NPAP1: variants seen among roughly 807,000 people sequenced by gnomAD.
NPAP1 encodes the protein nuclear pore associated protein 1.
For synonymous variants in NPAP1, 616 were observed against 581.4 expected (o/e 1.06, Z -0.86); for missense variants, 1,483 against 1,454.5 (o/e 1.02, Z -0.32).
rs1257357231 is a variant in NPAP1, at chr15:24,678,935, G to A, written c.3068G>A (p.Ser1023Asn). 1.7e-5 allele frequency: 28 copies of A among 1,614,008 alleles called. No individual in the cohort carries two copies. In the East Asian group the frequency reaches 6.0e-4, roughly 35 times the overall value. The change falls in exon 1 of 1, where the codon AGC (serine) becomes AAC (asparagine). Residue 1023 changes from serine to asparagine, a missense_variant. Ser to Asn is a conservative substitution (Grantham distance 46). Coordinates refer to ENST00000329468, the MANE Select transcript of NPAP1 (RefSeq NM_018958.3). The stretch of plus-strand genomic sequence containing the variant: ...ATGGATGGTGGGAGCATTGGGTTCA[G>A]CATGTCTGCCCCAGGCCCCAGTTCC... ...TPMDGGSIGF[S>N]MSAPGPSSTS... is the part of the protein sequence containing the mutation.
rs142882557 is a variant in NPAP1, at chr15:24,680,840, A to T, written c.*1502A>T. Reference sequence around the variant, plus strand: ...TGAAGGGGAGAAAAGAAGCAAAAACATGGAAATTATCTGGTAAATTAGCCA... The same window carrying T: ...TGAAGGGGAGAAAAGAAGCAAAAACTTGGAAATTATCTGGTAAATTAGCCA... On this transcript the variant is annotated 3_prime_UTR_variant, in exon 1 of 1. Coordinates refer to ENST00000329468, the MANE Select transcript of NPAP1 (RefSeq NM_018958.3). 6.0e-6 allele frequency: 1 copy of T among 167,024 alleles called. No homozygotes were observed. Among genetic ancestry groups the T allele is most frequent in the African/African-American group, 2.4e-5 (1 of 41,440 alleles). The allele number at this position is 167,024 out of a possible 1,614,324, so 10.3% of individuals were successfully genotyped here.
Position 24,678,925 on chromosome 15 carries a change from A to G in NPAP1, c.3058A>G (p.Ile1020Val), listed in dbSNP as rs1000729261. 6 of 1,614,130 alleles carry G rather than the reference A, an allele frequency of 3.7e-6. No homozygotes were observed. Among genetic ancestry groups the G allele is most frequent in the Non-Finnish European group, 5.1e-6 (6 of 1,180,024 alleles). ...GPGTPMDGGS[I>V]GFSMSAPGPS... ...TGGAACCCCTATGGATGGTGGGAGCATTGGGTTCAGCATGTCTGCCCCAGG... is the reference window on the plus strand; with the variant it reads ...TGGAACCCCTATGGATGGTGGGAGCGTTGGGTTCAGCATGTCTGCCCCAGG... The change falls in exon 1 of 1, where the codon ATT (isoleucine) becomes GTT (valine). Residue 1020 changes from isoleucine (I) to valine (V), a missense_variant. Physicochemically the swap from Ile to Val is conservative, Grantham distance 29. Transcript: ENST00000329468.
rs565004657 is a variant in NPAP1, at chr15:24,675,972, C to G, written c.105C>G (p.Pro35=). 3 of 1,594,082 alleles carry G rather than the reference C, an allele frequency of 1.9e-6. No homozygotes were observed. Among genetic ancestry groups the G allele is most frequent in the South Asian group, 1.1e-5 (1 of 89,334 alleles). Residue 35 remains proline, a synonymous_variant, in exon 1 of 1, where the codon CCC becomes CCG. Transcript: ENST00000329468. ...CCCTGTCCCGGGACGCCTCCCCGCC[C>G]GGTCGGGCTCACTCTGTACCCACCC... ...PAPLSRDASP[P]GRAHSVPTPR...
chr15:24,678,954 C>T lies in NPAP1; in HGVS notation c.3087C>T (p.Pro1029=), dbSNP rs2141313784. The change falls in exon 1 of 1, where the codon CCC becomes CCT. Residue 1029 remains proline (P), a synonymous_variant. Transcript: ENST00000329468. ...SIGFSMSAPG[P]SSTSGELNIG... is the part of the protein sequence containing the mutation. ...GGTTCAGCATGTCTGCCCCAGGCCCCAGTTCCACATCAGGAGAACTCAACA... is the reference window on the plus strand; with the variant it reads ...GGTTCAGCATGTCTGCCCCAGGCCCTAGTTCCACATCAGGAGAACTCAACA... The T allele has an allele frequency of 1.2e-6, 2 of 1,614,164 alleles. No homozygotes were observed. Among genetic ancestry groups the T allele is most frequent in the East Asian group, 2.2e-5 (1 of 44,874 alleles).
In NPAP1 at chr15:24,678,006, T is replaced by G. The variant is rs780676441; in HGVS notation, c.2139T>G (p.Ser713=). Residue 713 remains serine (S), a synonymous_variant, in exon 1 of 1, where the codon TCT becomes TCG. Coordinates refer to ENST00000329468, the MANE Select transcript of NPAP1 (RefSeq NM_018958.3). ...TPPSKAVILQ[S]ASVSKKYLPF... The stretch of plus-strand genomic sequence containing the variant: ...CTTCCAAGGCTGTCATCTTGCAGTC[T>G]GCCTCTGTCTCCAAGAAGTACCTCC... The G allele has an allele frequency of 2.5e-6, 4 of 1,614,152 alleles. No individual in the cohort carries two copies. Among genetic ancestry groups the G allele is most frequent in the Admixed American group, 3.3e-5 (2 of 60,034 alleles).
At position 24,675,841 on chromosome 15, in the gene NPAP1, T is replaced by A; in HGVS notation, c.-27T>A. ...GTTGAGTCCACTGCTGACCCTGTTTTACGGTAGGAGGCACGGCTAGCTCTA... is the reference window on the plus strand; with the variant it reads ...GTTGAGTCCACTGCTGACCCTGTTTAACGGTAGGAGGCACGGCTAGCTCTA... On this transcript the variant is annotated 5_prime_UTR_variant, in exon 1 of 1. Transcript: ENST00000329468. 6.9e-7 allele frequency: 1 copy of A among 1,457,630 alleles called. No homozygotes were observed. The highest frequency in any genetic ancestry group is 9.1e-7 in the Non-Finnish European group (1 of 1,096,546). 90.3% of individuals were successfully genotyped at this position (1,457,630 alleles called of 1,614,324 possible).
rs1313526649 is a variant in NPAP1 at position 24,678,850 on chromosome 15, A to T, written c.2983A>T (p.Thr995Ser). ...TGGGATGCCTGGCACTGGAGACAGTACCTTACTGGTTGGAAATACTATTCC... is the reference window on the plus strand; with the variant it reads ...TGGGATGCCTGGCACTGGAGACAGTTCCTTACTGGTTGGAAATACTATTCC... ...ATGMPGTGDSTLLVGNTIPGP... is the reference protein window; with the variant it reads ...ATGMPGTGDSSLLVGNTIPGP... The change falls in exon 1 of 1, where the codon ACC becomes TCC. Residue 995 changes from threonine to serine, a missense_variant. By Grantham distance (58) the Thr-to-Ser change is moderately conservative. Coordinates refer to ENST00000329468, the MANE Select transcript of NPAP1 (RefSeq NM_018958.3). 2 of 1,614,188 alleles carry T rather than the reference A, an allele frequency of 1.2e-6. No homozygotes were observed. The highest frequency in any genetic ancestry group is 4.5e-5 in the East Asian group (2 of 44,884).
rs1310267820 is a variant in NPAP1 at position 24,682,292 on chromosome 15, A to G, written c.*2954A>G. Reference sequence around the variant, plus strand: ...AATCAGAACTGCCTTTCAGAAGTAGAGTGGAAATCCAGTTTTCTTCTAATA... The same window carrying G: ...AATCAGAACTGCCTTTCAGAAGTAGGGTGGAAATCCAGTTTTCTTCTAATA... On this transcript the variant is annotated 3_prime_UTR_variant, in exon 1 of 1. Coordinates refer to ENST00000329468, the MANE Select transcript of NPAP1 (RefSeq NM_018958.3). 6.0e-6 allele frequency: 1 copy of G among 167,036 alleles called. No individual in the cohort carries two copies. Among genetic ancestry groups the G allele is most frequent in the Non-Finnish European group, 1.5e-5 (1 of 68,110 alleles). 10.3% of individuals were successfully genotyped at this position (167,036 alleles called of 1,614,324 possible).
Position 24,677,663 on chromosome 15 carries a change from C to T in NPAP1, c.1796C>T (p.Ser599Phe), listed in dbSNP as rs368007060. 2 of 1,614,084 alleles carry T rather than the reference C, an allele frequency of 1.2e-6. No individual in the cohort carries two copies. Among genetic ancestry groups the T allele is most frequent in the African/African-American group, 2.7e-5 (2 of 74,938 alleles). Residue 599 changes from serine to phenylalanine, a missense_variant, in exon 1 of 1, where the codon TCT (serine) becomes TTT (phenylalanine). By Grantham distance (155) the Ser-to-Phe change is radical. Coordinates refer to ENST00000329468, the MANE Select transcript of NPAP1 (RefSeq NM_018958.3). ...FTSSLSSRVS[S>F]LPNSQIHCSA... ...TCTTCCCTAAGCTCCAGAGTGAGCT[C>T]TCTCCCAAATTCCCAAATACATTGC...
At position 24,676,111 on chromosome 15, in the gene NPAP1, C is replaced by T. The variant is rs199643130; in HGVS notation, c.244C>T (p.Leu82=). 6 of 1,564,956 alleles carry T rather than the reference C, an allele frequency of 3.8e-6. No individual in the cohort carries two copies. In the Admixed American group the frequency reaches 7.6e-5, roughly 20 times the overall value. ...CPLPRAAAAP[L]GVLPAVGWGL... ...TCTCCCTCGGGCTGCGGCCGCCCCTCTGGGGGTCCTGCCGGCTGTGGGTTG... is the reference window on the plus strand; with the variant it reads ...TCTCCCTCGGGCTGCGGCCGCCCCTTTGGGGGTCCTGCCGGCTGTGGGTTG... Residue 82 remains leucine (L), a synonymous_variant, in exon 1 of 1, where the codon CTG becomes TTG. Transcript: ENST00000329468.
chr15:24,676,525 A>G lies in NPAP1; in HGVS notation c.658A>G (p.Ser220Gly), dbSNP rs2141308207. Residue 220 changes from serine (S) to glycine (G), a missense_variant, in exon 1 of 1, where the codon AGC (serine) becomes GGC (glycine). Ser to Gly is a moderately conservative substitution (Grantham distance 56, BLOSUM62 0). Transcript: ENST00000329468. ...TGTCTACCACAAGTTCTCAGAAAACAGCATGAGTGAGAAGGCCCAGGCGTC... is the reference window on the plus strand; with the variant it reads ...TGTCTACCACAAGTTCTCAGAAAACGGCATGAGTGAGAAGGCCCAGGCGTC... ...GNVYHKFSENSMSEKAQASPA... is the reference protein window; with the variant it reads ...GNVYHKFSENGMSEKAQASPA... 6.2e-7 allele frequency: 1 copy of G among 1,614,118 alleles called. No homozygotes were observed. The highest frequency in any genetic ancestry group is 8.5e-7 in the Non-Finnish European group (1 of 1,180,024).
At position 24,678,447 on chromosome 15, in the gene NPAP1, A is replaced by G; in HGVS notation, c.2580A>G (p.Thr860=). Reference sequence around the variant, plus strand: ...TGGGGCTTCCTGGTTCTGGGAACACACTACACAGTGACAGCATTGCCTCAG... The same window carrying G: ...TGGGGCTTCCTGGTTCTGGGAACACGCTACACAGTGACAGCATTGCCTCAG... The part of the protein sequence containing the change: ...FYMGLPGSGN[T]LHSDSIASAQ... Residue 860 remains threonine (T), a synonymous_variant, in exon 1 of 1, where the codon ACA becomes ACG. Transcript: ENST00000329468. 3 of 1,614,126 alleles carry G rather than the reference A, an allele frequency of 1.9e-6. No homozygotes were observed. The highest frequency in any genetic ancestry group is 2.5e-6 in the Non-Finnish European group (3 of 1,180,024).
chr15:24,677,973 C>A lies in NPAP1; in HGVS notation c.2106C>A (p.Thr702=), dbSNP rs571017399. The A allele has an allele frequency of 6.2e-7, 1 of 1,613,668 alleles. No individual in the cohort carries two copies. Among genetic ancestry groups the A allele is most frequent in the Admixed American group, 1.7e-5 (1 of 59,970 alleles). ...CCATTGAAACCAATGCTATGCATAC[C>A]ACTCCTCCTTCCAAGGCTGTCATCT... The part of the protein sequence containing the change: ...KPPIETNAMH[T]TPPSKAVILQ... Residue 702 remains threonine, a synonymous_variant, in exon 1 of 1, where the codon ACC becomes ACA. Transcript: ENST00000329468.
Position 24,676,563 on chromosome 15 carries a change from C to T in NPAP1, c.696C>T (p.Ser232=), listed in dbSNP as rs187566573. ...AGGCCCAGGCGTCTCCAGCGAGCTC[C>T]TGCTTGGAAGGCCCTGCCATGCCCA... ...SEKAQASPAS[S]CLEGPAMPST... The change falls in exon 1 of 1, where the codon TCC becomes TCT. Residue 232 remains serine, a synonymous_variant. Transcript: ENST00000329468. 1.3e-5 allele frequency: 21 copies of T among 1,614,110 alleles called. No homozygotes were observed. The Admixed American group carries it at 3.3e-4, about 26-fold the overall frequency.
chr15:24,682,988 T>A lies in NPAP1; in HGVS notation c.*3650T>A, dbSNP rs1203473952. On this transcript the variant is annotated 3_prime_UTR_variant, in exon 1 of 1. Coordinates refer to ENST00000329468, the MANE Select transcript of NPAP1 (RefSeq NM_018958.3). ...AGACCTGTACTAACATTCTTAAATATCTGCTAGTCATAATAAAGAAATCAA... is the reference window on the plus strand; with the variant it reads ...AGACCTGTACTAACATTCTTAAATAACTGCTAGTCATAATAAAGAAATCAA... The A allele has an allele frequency of 1.8e-5, 3 of 166,978 alleles. No individual in the cohort carries two copies. Among genetic ancestry groups the A allele is most frequent in the Non-Finnish European group, 4.4e-5 (3 of 68,266 alleles). 10.3% of individuals were successfully genotyped at this position (166,978 alleles called of 1,614,324 possible).
Position 24,676,566 on chromosome 15 carries a change from C to T in NPAP1, c.699C>T (p.Cys233=), listed in dbSNP as rs757917258. The change falls in exon 1 of 1, where the codon TGC becomes TGT. Residue 233 remains cysteine (C), a synonymous_variant. Transcript: ENST00000329468. The part of the protein sequence containing the change: ...EKAQASPASS[C]LEGPAMPSTH... ...CCCAGGCGTCTCCAGCGAGCTCCTG[C>T]TTGGAAGGCCCTGCCATGCCCAGCA... 5.6e-6 allele frequency: 9 copies of T among 1,614,050 alleles called. No homozygotes were observed. The highest frequency in any genetic ancestry group is 7.6e-6 in the Non-Finnish European group (9 of 1,180,010).
At position 24,678,664 on chromosome 15, in the gene NPAP1, G is replaced by C. The variant is rs775010025; in HGVS notation, c.2797G>C (p.Val933Leu). ...APVIGLTSPS[V>L]QPLSGSIIPP... ...AGTTATAGGCTTAACATCTCCTTCA[G>C]TCCAGCCACTGAGTGGCAGCATAAT... The change falls in exon 1 of 1, where the codon GTC becomes CTC. Residue 933 changes from valine (V) to leucine (L), a missense_variant. By Grantham distance (32) the Val-to-Leu change is conservative (BLOSUM62 1). Transcript: ENST00000329468. 3 of 1,614,128 alleles carry C rather than the reference G, an allele frequency of 1.9e-6. No individual in the cohort carries two copies. Among genetic ancestry groups the C allele is most frequent in the Non-Finnish European group, 8.5e-7 (1 of 1,180,042 alleles).
Position 24,678,667 on chromosome 15 carries a change from C to G in NPAP1, c.2800C>G (p.Gln934Glu), listed in dbSNP as rs1748477908. 16 of 1,614,154 alleles carry G rather than the reference C, an allele frequency of 9.9e-6. No homozygotes were observed. The highest frequency in any genetic ancestry group is 1.3e-5 in the African/African-American group (1 of 75,054). The change falls in exon 1 of 1, where the codon CAG becomes GAG. Residue 934 changes from glutamine to glutamate, a missense_variant. Gln to Glu is a conservative substitution (Grantham distance 29). Transcript: ENST00000329468. ...PVIGLTSPSV[Q>E]PLSGSIIPPG... ...TATAGGCTTAACATCTCCTTCAGTCCAGCCACTGAGTGGCAGCATAATTCC... is the reference window on the plus strand; with the variant it reads ...TATAGGCTTAACATCTCCTTCAGTCGAGCCACTGAGTGGCAGCATAATTCC...
At position 24,678,407 on chromosome 15, in the gene NPAP1, A is replaced by G. The variant is rs2141312564; in HGVS notation, c.2540A>G (p.Tyr847Cys). ...QSTFVSRKEE[Y>C]IRFYMGLPGS... is the part of the protein sequence containing the mutation. ...ACCTTTGTCTCCAGGAAGGAGGAGT[A>G]CATCCGATTTTATATGGGGCTTCCT... Residue 847 changes from tyrosine (Y) to cysteine (C), a missense_variant, in exon 1 of 1, where the codon TAC (tyrosine) becomes TGC (cysteine). Transcript: ENST00000329468. 15 of 1,614,022 alleles carry G rather than the reference A, an allele frequency of 9.3e-6. No individual in the cohort carries two copies. Among genetic ancestry groups the G allele is most frequent in the Non-Finnish European group, 1.2e-5 (14 of 1,180,002 alleles).
Sources: allele counts gnomAD v4.1 joint callset, GRCh38; gene constraint gnomAD v4.1.1; transcripts MANE v1.5; gene names NCBI Gene and HGNC (gene_info 2026-07-23, HGNC 2026-07-21).